The following SEMA5A variants were observed in gnomAD, a reference collection of about 807,000 sequenced individuals.
SEMA5A encodes semaphorin-5A.
Under a neutral mutation model 135.5 loss-of-function variants are expected in SEMA5A, and 55 were observed. The ratio of observed to expected loss-of-function variants is 0.41; its 90% CI spans 0.33 to 0.51. The LOEUF is 0.51. Among genes scored for constraint, SEMA5A ranks in the 20% least tolerant of loss-of-function variants. The pLI, the probability that SEMA5A is intolerant of heterozygous loss-of-function variation, is 0.37. For synonymous variants in SEMA5A, 580 were observed against 546.5 expected, an observed-to-expected ratio of 1.06 and a Z score of -0.85; for missense variants, 1,290 against 1,419.9, an observed-to-expected ratio of 0.91 and a Z score of 1.47.
At chr5:9,368,089 A>T (rs1754991226) in intron 3 of SEMA5A, among the ~76,000 whole-genome samples, 1 of 152,216 alleles carries the variant, frequency 6.6e-6, no homozygotes, top group Non-Finnish European at 1.5e-5. Context: ...AGTAATGCAA[A>T]ATGAACTAAG....
At chr5:9,330,111 A>G (rs1241054352) in intron 4 of SEMA5A, among the ~76,000 whole-genome samples, 1 of 148,144 alleles carries the variant, frequency 6.8e-6, no homozygotes, top group Admixed American at 6.7e-5. Context: ...CTAGGCTGAT[A>G]TTCTCCCAAC....
At chr5:9,231,465 CAAAAAAAA>C (rs58901854) in intron 6 of SEMA5A, among the ~76,000 whole-genome samples, 5 of 64,674 alleles carry the variant, frequency 7.7e-5, no homozygotes, top group Non-Finnish European at 1.1e-4. Flanking sequence ...GACTCCATCT[CAAAAAAAA>C]AAAAAAAAAA....
chr5:9,427,512 C>G (rs1181008861), intron 2 of SEMA5A, among the ~76,000 whole-genome samples: 2 of 152,150 alleles, frequency 1.3e-5, no homozygotes, highest in African/African-American at 4.8e-5. Flanking sequence ...TGAGAACTAA[C>G]ATGGGAAATG....
chr5:9,477,969 A>G (rs1022620559), intron 1 of SEMA5A, among the ~76,000 whole-genome samples: 1 of 152,190 alleles, frequency 6.6e-6, no homozygotes, highest in Admixed American at 6.5e-5. Context: ...CCCATGAGGG[A>G]CCTTCCTGGG....
chr5:9,251,129 G>A (rs1217266931), intron 5 of SEMA5A, among the ~76,000 whole-genome samples: 1 of 152,092 alleles, frequency 6.6e-6, no homozygotes, highest in Non-Finnish European at 1.5e-5. Flanking sequence ...ATTTGGGCTA[G>A]TGTTCTCCCT....
chr5:9,299,428 C>T (rs1751498435), intron 5 of SEMA5A, among the ~76,000 whole-genome samples: 1 of 152,110 alleles, frequency 6.6e-6, no homozygotes, highest in Non-Finnish European at 1.5e-5. Flanking sequence ...CAAGCAAACA[C>T]CCAGGAGAAA....
intron 9 of SEMA5A, among the ~76,000 whole-genome samples, chr5:9,201,132 G>A (rs1347902885): frequency 6.6e-6 from 1 of 152,196 alleles, no homozygotes; most frequent in East Asian, 1.9e-4. Flanking sequence ...CCATAGTGTA[G>A]GATCAGCAGC....
At chr5:9,285,179 G>T (rs1004873133) in intron 5 of SEMA5A, among the ~76,000 whole-genome samples, 1 of 152,142 alleles carries the variant, frequency 6.6e-6, no homozygotes, top group Admixed American at 6.5e-5. Context: ...CGTCTAGTAT[G>T]TCTTCTACTC....
chr5:9,384,275 C>A lies in SEMA5A; in HGVS notation c.-77-4252G>T, dbSNP rs1805923. ...TTCCCGGACTCAGCAGGTCCATATT[C>A]CACTGAATCATGGAGCTCTTGCCTC... is the stretch of plus-strand genomic sequence containing the variant. On this transcript the variant is annotated intron_variant, in intron 2 of 22. Coordinates refer to ENST00000382496, the MANE Select transcript of SEMA5A (RefSeq NM_003966.3). Among the ~76,000 whole-genome samples the A allele has an allele frequency of 8.3e-3, 1,260 of 152,128 alleles. 24 individuals are homozygous for A. Among genetic ancestry groups the A allele is most frequent in the African/African-American group, 0.029 (1,204 of 41,494 alleles).
intron 16 of SEMA5A, among the ~76,000 whole-genome samples, chr5:9,086,213 G>A (rs1310058226): frequency 6.6e-6 from 1 of 152,108 alleles, no homozygotes; most frequent in East Asian, 1.9e-4. Context: ...AGATTTTGGG[G>A]GACTGTTGGG....
At chr5:9,213,985 T>C (rs755834109) in intron 8 of SEMA5A, among the ~76,000 whole-genome samples, 1 of 151,190 alleles carries the variant, frequency 6.6e-6, no homozygotes, top group Non-Finnish European at 1.5e-5. Context: ...TGGGGGAAAG[T>C]GCAACTTGAA....
At chr5:9,088,659 T>TATATACAC in intron 16 of SEMA5A, among the ~76,000 whole-genome samples, 11,568 of 112,678 alleles carry the variant, frequency 0.1, 937 homozygotes, top group East Asian at 0.25. Flanking sequence ...TATATATATA[T>TATATACAC]ACACACACAC....
chr5:9,161,199 C>A (rs2150281041), intron 11 of SEMA5A, among the ~76,000 whole-genome samples: 1 of 151,992 alleles, frequency 6.6e-6, no homozygotes, highest in African/African-American at 2.4e-5. Flanking sequence ...GTAAGTAAAG[C>A]TACCAGGATA....
At chr5:9,146,991 G>A (rs1383599097) in intron 12 of SEMA5A, among the ~76,000 whole-genome samples, 1 of 152,186 alleles carries the variant, frequency 6.6e-6, no homozygotes, top group Non-Finnish European at 1.5e-5. Flanking sequence ...GAGTAAGGTT[G>A]TCTGGCTGGG....
intron 2 of SEMA5A, chr5:9,422,415 C>A (rs547929717): frequency 6.6e-6 from 1 of 152,046 alleles, no homozygotes; most frequent in African/African-American, 2.4e-5. Flanking sequence ...CTCCAGCATC[C>A]GGAGAAGAAG....
At chr5:9,384,580 A>G (rs1755757018) in intron 2 of SEMA5A, among the ~76,000 whole-genome samples, 1 of 102,186 alleles carries the variant, frequency 9.8e-6, no homozygotes, top group African/African-American at 3.6e-5. Flanking sequence ...ACATAGATAG[A>G]TAGATAGATA....
intron 5 of SEMA5A, among the ~76,000 whole-genome samples, chr5:9,274,020 C>T (rs945538408): frequency 7.2e-5 from 11 of 152,058 alleles, no homozygotes; most frequent in Non-Finnish European, 1.5e-4. Flanking sequence ...GGGTTAAATG[C>T]CCCAATTAAA....
chr5:9,397,676 C>T (rs1301329943), intron 2 of SEMA5A, among the ~76,000 whole-genome samples: 1 of 152,158 alleles, frequency 6.6e-6, no homozygotes, highest in Non-Finnish European at 1.5e-5. Flanking sequence ...AATAAAAAGT[C>T]ATGTATCCTT....
At chr5:9,157,961 A>G (rs1743046153) in intron 11 of SEMA5A, among the ~76,000 whole-genome samples, 1 of 152,234 alleles carries the variant, frequency 6.6e-6, no homozygotes, top group African/African-American at 2.4e-5. Context: ...GGTTTTAGTT[A>G]CTAACTTACT....
Sources: gnomAD v4.1 joint callset for allele counts (sites outside exome capture counted in the v4.1 genomes callset) on GRCh38, gnomAD v4.1.1 for gene constraint, MANE v1.5 for transcripts, NCBI Gene and HGNC (gene_info 2026-07-23, HGNC 2026-07-21) for gene names.